CSMD3: variants seen among roughly 807,000 people sequenced by gnomAD.
CSMD3 encodes CUB and sushi domain-containing protein 3.
A neutral mutation model predicts 435.2 loss-of-function variants in CSMD3; 177 were observed. The observed-to-expected ratio is 0.41, with a 90% CI of 0.36 to 0.46. The LOEUF is 0.46. Among genes scored for constraint, CSMD3 ranks in the 20% least tolerant of loss-of-function variants. The pLI is 0.34. For missense variants in CSMD3, 4,265 were observed against 4,504.6 expected (o/e 0.95, Z 1.52); for synonymous variants, 1,656 against 1,520.5 (o/e 1.09, Z -2.07).
At chr8:112,728,358 G>T (rs2077008425) in intron 13 of CSMD3, among the ~76,000 whole-genome samples, 1 of 151,682 alleles carries the variant, frequency 6.6e-6, no homozygotes, top group African/African-American at 2.4e-5. Context: ...AAACAATAAA[G>T]AATTAAAATA....
In CSMD3 at chr8:112,291,498, T is replaced by C. The variant is rs2130675434; in HGVS notation, c.8974+12A>G. ...ACATGTTCTCAAGAAACAATTCACA[T>C]TATCTACTTACTGATACATTCTGGT... On this transcript the variant is annotated intron_variant, in intron 56 of 70. Coordinates refer to ENST00000297405, the MANE Select transcript of CSMD3 (RefSeq NM_198123.2). The C allele has an allele frequency of 6.4e-7, 1 of 1,566,398 alleles. No homozygotes were observed. Among genetic ancestry groups the C allele is most frequent in the South Asian group, 1.1e-5 (1 of 90,044 alleles).
In CSMD3 at chr8:112,346,197, A is replaced by T. The variant is rs2131024161; in HGVS notation, c.6342T>A (p.Ala2114=). Reference sequence around the variant, plus strand: ...GGATCACACCACTGAAGTCTGACATAGCACCACCACACTGAGCTGCAAAAT... The same window carrying T: ...GGATCACACCACTGAAGTCTGACATTGCACCACCACACTGAGCTGCAAAAT... ...IPICLAQCGG[A]MSDFSGVILS... is the part of the protein sequence containing the mutation. The change falls in exon 41 of 71, where the codon GCT becomes GCA. Residue 2114 remains alanine, a synonymous_variant. Transcript: ENST00000297405. 1.2e-6 allele frequency: 2 copies of T among 1,608,946 alleles called. No homozygotes were observed. Among genetic ancestry groups the T allele is most frequent in the Non-Finnish European group, 1.7e-6 (2 of 1,175,288 alleles).
chr8:112,398,626 C>A (rs192455097), intron 35 of CSMD3, among the ~76,000 whole-genome samples: 4 of 152,174 alleles, frequency 2.6e-5, no homozygotes, highest in Non-Finnish European at 5.9e-5. Flanking sequence ...GGAACTATCC[C>A]TATGTAGCCA....
intron 59 of CSMD3, among the ~76,000 whole-genome samples, chr8:112,274,044 C>T (rs1817785526): frequency 6.6e-6 from 1 of 151,060 alleles, no homozygotes; most frequent in African/African-American, 2.4e-5. Context: ...TGAACTGATA[C>T]TTAAAAGGTG....
chr8:112,655,571 G>T (rs1239510147), intron 18 of CSMD3, among the ~76,000 whole-genome samples: 1 of 151,852 alleles, frequency 6.6e-6, no homozygotes, highest in East Asian at 1.9e-4. Context: ...AAAACCATGA[G>T]ATTTAATAGG....
At chr8:113,149,230 C>T (rs1411898080) in intron 4 of CSMD3, among the ~76,000 whole-genome samples, 2 of 151,780 alleles carry the variant, frequency 1.3e-5, no homozygotes, top group Non-Finnish European at 2.9e-5. Flanking sequence ...ACGGAAAATG[C>T]TCACCATAAC....
intron 7 of CSMD3, among the ~76,000 whole-genome samples, chr8:112,957,631 A>G (rs1004367635): frequency 1.3e-5 from 2 of 151,848 alleles, no homozygotes; most frequent in African/African-American, 2.4e-5. Context: ...TCGTAGTTAT[A>G]ATAGAGACGG....
chr8:112,322,679 C>T lies in CSMD3; in HGVS notation c.7166-2698G>A, dbSNP rs184357504. ...AATTCTATATTGCCAGGCTAAACAT[C>T]TCTTCTGACCTCTTCATGCCTCCCT... On this transcript the variant is annotated intron_variant, in intron 45 of 70. Coordinates refer to ENST00000297405, the MANE Select transcript of CSMD3 (RefSeq NM_198123.2). Among the ~76,000 whole-genome samples, 29 of 152,144 alleles carry T rather than the reference C, an allele frequency of 1.9e-4. No individual in the cohort carries two copies. In the East Asian group the frequency reaches 5.6e-3, roughly 29 times the overall value.
chr8:112,386,055 C>A (rs966456927), intron 36 of CSMD3, among the ~76,000 whole-genome samples: 2 of 152,064 alleles, frequency 1.3e-5, no homozygotes, highest in Non-Finnish European at 2.9e-5. Flanking sequence ...AACACGGAGG[C>A]AGAAATTGGA....
chr8:112,870,886 T>C lies in CSMD3; in HGVS notation c.1634-11620A>G, dbSNP rs554831957. On this transcript the variant is annotated intron_variant, in intron 10 of 70. Coordinates refer to ENST00000297405, the MANE Select transcript of CSMD3 (RefSeq NM_198123.2). ...TACAAGATGCAATGGGAGTAAGTAA[T>C]AGATTACAAAAGGCTATTCTTAGGA... Among the ~76,000 whole-genome samples, 429 of 152,230 alleles carry C rather than the reference T, an allele frequency of 2.8e-3. 2 individuals carry two copies. The highest frequency in any genetic ancestry group is 0.01 in the African/African-American group (418 of 41,532).
chr8:112,630,037 T>C (rs1401139932), intron 22 of CSMD3, among the ~76,000 whole-genome samples: 1 of 152,080 alleles, frequency 6.6e-6, no homozygotes, highest in Non-Finnish European at 1.5e-5. Context: ...CACAAGAAAC[T>C]GATTGCTTCC....
At chr8:112,230,971 T>A (rs1813032134) in intron 69 of CSMD3, among the ~76,000 whole-genome samples, 1 of 152,194 alleles carries the variant, frequency 6.6e-6, no homozygotes. Context: ...TATAAACACA[T>A]TCTTGCCAGA....
intron 5 of CSMD3, among the ~76,000 whole-genome samples, chr8:113,078,599 T>A (rs2089439913): frequency 6.6e-6 from 1 of 152,180 alleles, no homozygotes; most frequent in African/African-American, 2.4e-5. Flanking sequence ...CTTACATAAA[T>A]TTGGGGGGTT....
chr8:112,606,193 C>G (rs1832776802), intron 22 of CSMD3, among the ~76,000 whole-genome samples: 1 of 152,216 alleles, frequency 6.6e-6, no homozygotes, highest in African/African-American at 2.4e-5. Flanking sequence ...CGCCTGTACC[C>G]CAGGGTGGCA....
At chr8:113,142,172 C>T (rs2091564948) in intron 4 of CSMD3, among the ~76,000 whole-genome samples, 1 of 150,986 alleles carries the variant, frequency 6.6e-6, no homozygotes, top group South Asian at 2.1e-4. Flanking sequence ...CGACTCAACA[C>T]AATAAAGATG....
At chr8:113,153,644 A>C (rs1306038488) in intron 4 of CSMD3, among the ~76,000 whole-genome samples, 2 of 152,088 alleles carry the variant, frequency 1.3e-5, no homozygotes, top group Non-Finnish European at 2.9e-5. Flanking sequence ...AAAAAGTGAA[A>C]GAGTTGCCAT....
rs766382905 is a variant in CSMD3 at position 112,650,353 on chromosome 8, G to A, written c.3005-4C>T. Reference sequence around the variant, plus strand: ...GAATACGTGTTCACTGTAACACCTGGAAAACAAAGGGAAGAAAATAAAGAG... The same window carrying A: ...GAATACGTGTTCACTGTAACACCTGAAAAACAAAGGGAAGAAAATAAAGAG... On this transcript the variant is annotated splice_region_variant and splice_polypyrimidine_tract_variant and intron_variant, in intron 18 of 70. Coordinates refer to ENST00000297405, the MANE Select transcript of CSMD3 (RefSeq NM_198123.2). 1 of 1,610,018 alleles carries A rather than the reference G, an allele frequency of 6.2e-7. No homozygotes were observed.
At position 112,508,507 on chromosome 8, in the gene CSMD3, C is replaced by T. The variant is rs183409060; in HGVS notation, c.4757-1678G>A. 9.0e-4 allele frequency among the ~76,000 whole-genome samples: 137 copies of T among 152,268 alleles called. 1 individual carries two copies. Among genetic ancestry groups the T allele is most frequent in the African/African-American group, 3.1e-3 (127 of 41,558 alleles). On this transcript the variant is annotated intron_variant, in intron 28 of 70. Transcript: ENST00000297405. ...TATTCTAGGCTCCTGAACTTTGTCC[C>T]ACTCTCAGCTTTAAGACAGCACAGG...
In CSMD3 at chr8:112,545,702, C is replaced by A. The variant is rs151288912; in HGVS notation, c.4564+4969G>T. The stretch of plus-strand genomic sequence containing the variant: ...GTTATTATGGCAAAAACCACAATTA[C>A]TTTTGCACCAACCTAATAGTATTTG... On this transcript the variant is annotated intron_variant, in intron 27 of 70. Coordinates refer to ENST00000297405, the MANE Select transcript of CSMD3 (RefSeq NM_198123.2). Among the ~76,000 whole-genome samples the A allele has an allele frequency of 1.1e-3, 171 of 152,082 alleles. 1 individual carries two copies. The highest frequency in any genetic ancestry group is 4.0e-3 in the African/African-American group (164 of 41,502).
Sources: gnomAD v4.1 joint callset for allele counts (sites outside exome capture counted in the v4.1 genomes callset) on GRCh38, gnomAD v4.1.1 for gene constraint, MANE v1.5 for transcripts, NCBI Gene and HGNC (gene_info 2026-07-23, HGNC 2026-07-21) for gene names.